STAT5B: variants seen among roughly 807,000 people sequenced by gnomAD.
STAT5B encodes signal transducer and activator of transcription 5B.
Under a neutral mutation model 107.8 loss-of-function variants are expected in STAT5B, and 21 were observed. That is an observed-to-expected ratio of 0.19 (90% CI 0.14 to 0.28). The LOEUF is 0.28. STAT5B is among the 10% of genes least tolerant of loss of function. The pLI is 1.00. For synonymous variants in STAT5B, 325 were observed against 401.7 expected, an observed-to-expected ratio of 0.81 and a Z score of 2.28; for missense variants, 565 against 1,008.2, an observed-to-expected ratio of 0.56 and a Z score of 5.95.
chr17:42,244,270 T>C (rs113494812), intron 1 of STAT5B, among the ~76,000 whole-genome samples: 1 of 150,844 alleles, frequency 6.6e-6, no homozygotes, highest in Non-Finnish European at 1.5e-5. Flanking sequence ...TTTTTTTTTT[T>C]TTTAGAGATG....
chr17:42,274,812 G>C (rs926252182), intron 1 of STAT5B: 11 of 152,280 alleles, frequency 7.2e-5, no homozygotes, highest in Middle Eastern at 3.4e-3. Context: ...TTAATTGAAA[G>C]ATAACAAAAT....
At chr17:42,203,873 C>T (rs778722913) in intron 16 of STAT5B, among the ~76,000 whole-genome samples, 12 of 151,942 alleles carry the variant, frequency 7.9e-5, no homozygotes, top group Non-Finnish European at 1.3e-4. Context: ...GTGATCCACC[C>T]GCCTTGGCCT....
intron 1 of STAT5B, among the ~76,000 whole-genome samples, chr17:42,274,280 A>C (rs1262566121): frequency 1.3e-5 from 1 of 77,600 alleles, no homozygotes; most frequent in East Asian, 3.7e-4. Context: ...GGTTTGCTTT[A>C]CAAAAAAAAA....
intron 1 of STAT5B, among the ~76,000 whole-genome samples, chr17:42,263,692 A>G (rs1383444315): frequency 1.3e-5 from 2 of 151,970 alleles, no homozygotes; most frequent in Non-Finnish European, 2.9e-5. Flanking sequence ...AGGCCCAGCT[A>G]ATTTTTTAAT....
intron 11 of STAT5B, among the ~76,000 whole-genome samples, 167 bp from the exon 12 acceptor site, chr17:42,216,273 C>T (rs573757433): frequency 2.0e-5 from 3 of 152,124 alleles, no homozygotes; most frequent in African/African-American, 4.8e-5. Context: ...ACTTTTCATA[C>T]TGGCACAATC....
chr17:42,214,344 C>G, intron 12 of STAT5B: 1 of 985,226 alleles, frequency 1.0e-6, no homozygotes. Context: ...GGAGGCTTAT[C>G]AGGACAAGAG....
At chr17:42,260,630 T>C (rs2080586770) in intron 1 of STAT5B, among the ~76,000 whole-genome samples, 2 of 152,166 alleles carry the variant, frequency 1.3e-5, no homozygotes, top group Non-Finnish European at 2.9e-5. Context: ...CAGGCTGGTC[T>C]CGAACTCCTG....
intron 13 of STAT5B, among the ~76,000 whole-genome samples, chr17:42,211,377 A>G (rs907442597): frequency 1.5e-4 from 22 of 151,534 alleles, no homozygotes; most frequent in African/African-American, 4.9e-4. Context: ...GTGGTGCCGC[A>G]TGCCTGTAAT....
chr17:42,258,359 T>C (rs1169565131), intron 1 of STAT5B, among the ~76,000 whole-genome samples: 3 of 152,220 alleles, frequency 2.0e-5, no homozygotes, highest in Non-Finnish European at 4.4e-5. Flanking sequence ...CTTCAAAGGT[T>C]CCTTCTGAAA....
At chr17:42,262,739 AGT>A (rs1463864920) in intron 1 of STAT5B, among the ~76,000 whole-genome samples, 1 of 110,772 alleles carries the variant, frequency 9.0e-6, no homozygotes, top group Non-Finnish European at 1.8e-5. Context: ...AACTTAGCAG[AGT>A]GTGTATATAT....
chr17:42,239,255 A>AG (rs2144319811), intron 1 of STAT5B, among the ~76,000 whole-genome samples: 1 of 151,110 alleles, frequency 6.6e-6, no homozygotes, highest in East Asian at 1.9e-4. Context: ...TCAAAAAAAA[A>AG]AAAAAAAAAA....
intron 1 of STAT5B, among the ~76,000 whole-genome samples, chr17:42,262,904 ATGTGTATATATATG>A (rs1408050357): frequency 2.2e-4 from 26 of 120,700 alleles, no homozygotes; most frequent in African/African-American, 7.0e-4. Context: ...GTGTATATAT[ATGTGTATATATATG>A]TGTGTATATA....
At chr17:42,207,507 AC>A (rs2080095100) in intron 16 of STAT5B, 50 bp downstream of exon 16, 1 of 1,594,952 alleles carries the variant, frequency 6.3e-7, no homozygotes, top group African/African-American at 1.4e-5. Context: ...ACACACACAC[AC>A]ACACACACAC....
At chr17:42,265,395 G>GTTTTTTTTTTTTTTT (rs1567678433) in intron 1 of STAT5B, among the ~76,000 whole-genome samples, 11 of 69,964 alleles carry the variant, frequency 1.6e-4, no homozygotes, top group African/African-American at 8.5e-4. Context: ...TTTTTGAGAC[G>GTTTTTTTTTTTTTTT]AAGTCTCGCT....
At position 42,235,692 on chromosome 17, in the gene STAT5B, G is replaced by A. The variant is rs558062259; in HGVS notation, c.-10-3555C>T. ...GGGGTTTCACCATGTTGGCCAGGAT[G>A]GTCTTGGTCTCCTGACCTCGTGATC... On this transcript the variant is annotated intron_variant, in intron 1 of 18. Transcript: ENST00000293328. Among the ~76,000 whole-genome samples the A allele has an allele frequency of 6.6e-5, 10 of 152,262 alleles. No homozygotes were observed. The South Asian group carries it at 2.1e-3, about 32-fold the overall frequency.
In STAT5B at chr17:42,246,613, G is replaced by A. The variant is rs145040362; in HGVS notation, c.-10-14476C>T. On this transcript the variant is annotated intron_variant, in intron 1 of 18. Transcript: ENST00000293328. ...AAATACACAGAAAGTCACTCACAAC[G>A]GTACCAGAATTTCTTTAAAATAAAA... 2.4e-3 allele frequency among the ~76,000 whole-genome samples: 372 copies of A among 152,124 alleles called. 14 individuals carry two copies. In the East Asian group the frequency reaches 0.066, roughly 27 times the overall value.
chr17:42,235,244 C>CT (rs2080347531), intron 1 of STAT5B: 1 of 152,192 alleles, frequency 6.6e-6, no homozygotes, highest in African/African-American at 2.4e-5. Flanking sequence ...TGCTTACTGA[C>CT]TTCCCACCAG....
chr17:42,220,173 C>A (rs1248449196), intron 5 of STAT5B, among the ~76,000 whole-genome samples: 4 of 152,174 alleles, frequency 2.6e-5, no homozygotes, highest in Admixed American at 2.6e-4. Flanking sequence ...TGGGTCCAGG[C>A]TGTCTGGGGT....
chr17:42,285,401 T>C, the STAT5B span, among the ~76,000 whole-genome samples: 1 of 152,190 alleles, frequency 6.6e-6, no homozygotes, highest in African/African-American at 2.4e-5. Flanking sequence ...CTGGGGAATA[T>C]ATTTCTGTAA....
Sources: gnomAD v4.1 joint callset for allele counts (sites outside exome capture counted in the v4.1 genomes callset) on GRCh38, gnomAD v4.1.1 for gene constraint, MANE v1.5 for transcripts, NCBI Gene and HGNC (gene_info 2026-07-23, HGNC 2026-07-21) for gene names.